NUP214: variants seen among roughly 807,000 people sequenced by gnomAD.
The protein encoded by NUP214 is nucleoporin 214, also known as nuclear pore complex protein Nup214.
In NUP214, 79 loss-of-function variants were observed where a neutral mutation model predicts 196.2. That is an observed-to-expected ratio of 0.40 (90% confidence interval 0.34 to 0.49). The LOEUF is 0.49. Among genes scored for constraint, NUP214 ranks in the 20% least tolerant of loss-of-function variants. The pLI, the probability that NUP214 is intolerant of heterozygous loss-of-function variation, is 0.58. For synonymous variants in NUP214, 1,020 were observed against 990.5 expected (o/e 1.03, Z -0.56); for missense variants, 2,468 against 2,539.0 (o/e 0.97, Z 0.60).
At chr9:131,129,226 TC>T in intron 3 of NUP214, 52 bp from the exon 4 acceptor site, 1 of 1,415,486 alleles carries the variant, frequency 7.1e-7, no homozygotes, top group African/African-American at 1.4e-5. Flanking sequence ...ATTAAATGTT[TC>T]TGCATTTACT....
chr9:131,131,769 G>A (rs1232719578), intron 5 of NUP214, among the ~76,000 whole-genome samples: 1 of 151,756 alleles, frequency 6.6e-6, no homozygotes, highest in East Asian at 1.9e-4. Flanking sequence ...GTTCACTGCA[G>A]CCTCAGCCTC....
chr9:131,213,178 CTTTTTT>C (rs1056468207), intron 30 of NUP214, among the ~76,000 whole-genome samples: 37 of 141,188 alleles, frequency 2.6e-4, no homozygotes, highest in Admixed American at 2.2e-3. Context: ...TATCAAATCA[CTTTTTT>C]TTTTTTTTTT....
intron 28 of NUP214, among the ~76,000 whole-genome samples, chr9:131,196,024 G>C (rs868344171): frequency 2.1e-3 from 7 of 3,392 alleles, no homozygotes; most frequent in African/African-American, 3.6e-3. Context: ...AACTCTGTGT[G>C]TCCCCCCCCC....
At position 131,197,259 on chromosome 9, in the gene NUP214, C is replaced by G; in HGVS notation, c.3765C>G (p.Phe1255Leu). Residue 1255 changes from phenylalanine (F) to leucine (L), a missense_variant, in exon 29 of 36, where the codon TTC becomes TTG. By Grantham distance (22) the Phe-to-Leu change is conservative. Transcript: ENST00000359428. ...STKESSQPDAFSSGGGSKPSY... is the reference protein window; with the variant it reads ...STKESSQPDALSSGGGSKPSY... ...AAGAGTCAAGCCAGCCGGACGCATT[C>G]TCATCTGGTGGGGGAAGCAAACCTT... 1 of 1,614,184 alleles carries G rather than the reference C, an allele frequency of 6.2e-7. No homozygotes were observed.
intron 27 of NUP214, among the ~76,000 whole-genome samples, chr9:131,194,426 C>T (rs1833717973): frequency 1.3e-5 from 2 of 151,878 alleles, no homozygotes; most frequent in Admixed American, 1.3e-4. Context: ...TTTGTAGAAA[C>T]AGGGTTCCAC....
rs539553381 is a variant in NUP214 at position 131,169,024 on chromosome 9, G to GT, written c.2893+4889dup. ...TCCAATATGGTATTCTGCTTACTTT[G>GT]TTTTTTTTTGTTTTTTTTTTTTTTT... On this transcript the variant is annotated intron_variant, in intron 21 of 35. Transcript: ENST00000359428. 4.4e-3 allele frequency among the ~76,000 whole-genome samples: 214 copies of GT among 48,758 alleles called. 1 individual carries two copies. Among genetic ancestry groups the GT allele is most frequent in the South Asian group, 1.0e-2 (10 of 1,002 alleles). The allele number at this position is 48,758 out of a possible 152,430, so 32.0% of individuals were successfully genotyped here. A position where few individuals can be genotyped will look rare whatever the true frequency, so the allele number is the denominator to read the frequency against.
intron 18 of NUP214, 79 bp from the exon 19 acceptor site, chr9:131,162,912 A>C (rs1832682390): frequency 7.7e-7 from 1 of 1,303,102 alleles, no homozygotes; most frequent in Non-Finnish European, 1.1e-6. Flanking sequence ...TTACCATTGT[A>C]GTCTTGTTTG....
At chr9:131,171,055 C>T (rs962087517) in intron 21 of NUP214, among the ~76,000 whole-genome samples, 3 of 147,176 alleles carry the variant, frequency 2.0e-5, no homozygotes, top group South Asian at 2.3e-4. Flanking sequence ...GAATAAGATT[C>T]TTTAAATTTC....
intron 11 of NUP214, among the ~76,000 whole-genome samples, chr9:131,143,469 A>T (rs1431336782): frequency 6.6e-6 from 1 of 152,118 alleles, no homozygotes; most frequent in Non-Finnish European, 1.5e-5. Flanking sequence ...TAAAAAAAAT[A>T]CTAGTTACCT....
In NUP214 at chr9:131,187,293, T is replaced by C. The variant is rs766652501; in HGVS notation, c.3424T>C (p.Ser1142Pro). The change falls in exon 25 of 36, where the codon TCA becomes CCA. Residue 1142 changes from serine (S) to proline (P), a missense_variant. Physicochemically the swap from Ser to Pro is moderately conservative, Grantham distance 74 (BLOSUM62 -1). This residue lies in a region of NUP214 where 1,801 missense variants were observed against 1,779.4 expected (regional missense o/e 1.01). Transcript: ENST00000359428. ...TATGCTTTGTGTGTTTTTCAGTTCT[T>C]CAGTGCCCTACTCCACAGCCAAAAC... is the stretch of plus-strand genomic sequence containing the variant. ...PATPSTAMGS[S>P]VPYSTAKTPH... 1 of 1,613,812 alleles carries C rather than the reference T, an allele frequency of 6.2e-7. No homozygotes were observed. Among genetic ancestry groups the C allele is most frequent in the Non-Finnish European group, 8.5e-7 (1 of 1,179,800 alleles).
rs376979334 is a variant in NUP214 at position 131,202,146 on chromosome 9, G to A, written c.5592+429G>A. ...ACTCAACTAATTTTTTATTTTTGTA[G>A]AGACACAGTCTCGCTATGTTGTCCA... On this transcript the variant is annotated intron_variant, in intron 30 of 35. Transcript: ENST00000359428. 2.0e-5 allele frequency among the ~76,000 whole-genome samples: 3 copies of A among 152,082 alleles called. No homozygotes were observed. In the South Asian group the frequency reaches 6.2e-4, roughly 32 times the overall value.
chr9:131,200,641 G>A (rs997843303), intron 29 of NUP214, among the ~76,000 whole-genome samples: 5 of 152,076 alleles, frequency 3.3e-5, no homozygotes, highest in Admixed American at 6.6e-5. Flanking sequence ...CCTGGGAGGC[G>A]GAGGTTGCAG....
Position 131,189,146 on chromosome 9 carries a change from T to C in NUP214, c.3574+15T>C. On this transcript the variant is annotated intron_variant, in intron 26 of 35. Coordinates refer to ENST00000359428, the MANE Select transcript of NUP214 (RefSeq NM_005085.4). ...CAAAGCTTCAGGTCAGTTTGCATTT[T>C]TGTTTTCTTGAAAAGTGAAAGAAGC... The C allele has an allele frequency of 2.5e-6, 4 of 1,610,406 alleles. No homozygotes were observed. Among genetic ancestry groups the C allele is most frequent in the Non-Finnish European group, 3.4e-6 (4 of 1,176,682 alleles).
chr9:131,214,740 A>G (rs1385710457), intron 30 of NUP214, among the ~76,000 whole-genome samples: 1 of 152,262 alleles, frequency 6.6e-6, no homozygotes, highest in Non-Finnish European at 1.5e-5. Flanking sequence ...GAAAGTCATT[A>G]TGAAATAAAA....
chr9:131,132,484 G>A (rs1831586668), intron 5 of NUP214, 112 bp from the exon 6 acceptor site: 4 of 901,864 alleles, frequency 4.4e-6, no homozygotes, highest in Non-Finnish European at 7.2e-6. Context: ...AGTCTCTCCC[G>A]GCCAAGGAGA....
In NUP214 at chr9:131,187,383, CT is replaced by C. The variant is rs528695111; in HGVS notation, c.3495+40del. On this transcript the variant is annotated intron_variant, in intron 25 of 35. Coordinates refer to ENST00000359428, the MANE Select transcript of NUP214 (RefSeq NM_005085.4). Reference sequence around the variant, plus strand: ...CAAGCAGGTAACTTACTGATTTTTACTTTTTTTTTTTTTTTTTTTTTGAGAC... The same window carrying C: ...CAAGCAGGTAACTTACTGATTTTTACTTTTTTTTTTTTTTTTTTTTGAGAC... 0.14 allele frequency: 139,724 copies of C among 1,028,206 alleles called. 12 individuals carry two copies. Among genetic ancestry groups the C allele is most frequent in the Middle Eastern group, 0.16 (480 of 3,082 alleles). The allele number at this position is 1,028,206 out of a possible 1,614,324, so 63.7% of individuals were successfully genotyped here. A position where few individuals can be genotyped will look rare whatever the true frequency, so the allele number is the denominator to read the frequency against.
intron 35 of NUP214, among the ~76,000 whole-genome samples, chr9:131,233,237 G>A (rs186098592): frequency 5.9e-5 from 9 of 152,226 alleles, no homozygotes; most frequent in African/African-American, 2.2e-4. Context: ...CACTGAGGCT[G>A]AGGCAAAAGA....
chr9:131,197,056 C>T (rs919777515), intron 28 of NUP214, among the ~76,000 whole-genome samples, 160 bp from the exon 29 acceptor site: 1 of 152,302 alleles, frequency 6.6e-6, no homozygotes, highest in Non-Finnish European at 1.5e-5. Context: ...TGTGGAGAAG[C>T]ACTCATTCCA....
intron 21 of NUP214, among the ~76,000 whole-genome samples, chr9:131,173,643 C>T (rs959594014): frequency 3.6e-4 from 54 of 151,852 alleles, no homozygotes; most frequent in African/African-American, 1.3e-3. Flanking sequence ...ATCCATTTTG[C>T]GTTGGACCTG....
Sources: gnomAD v4.1 joint callset for allele counts (sites outside exome capture counted in the v4.1 genomes callset) on GRCh38, gnomAD v4.1.1 for gene constraint, gnomAD v4.1.1 regional missense constraint, MANE v1.5 for transcripts, NCBI Gene and HGNC (gene_info 2026-07-23, HGNC 2026-07-21) for gene names.